Variants in MACROD2 observed in about 807,000 individuals in gnomAD.
MACROD2 encodes the protein ADP-ribose glycohydrolase MACROD2.
In MACROD2, 36 loss-of-function variants were observed where a neutral mutation model predicts 70.4. That is an observed-to-expected ratio of 0.51 (90% CI 0.39 to 0.68). MACROD2 has a LOEUF of 0.68. MACROD2 is among the 30% of genes least tolerant of loss of function. MACROD2 has a pLI of 0.00. For synonymous variants in MACROD2, 172 were observed against 178.8 expected (o/e 0.96, Z 0.30); for missense variants, 496 against 538.4 (o/e 0.92, Z 0.78).
At chr20:14,684,726 C>T in intron 4 of MACROD2, 117 bp from the exon 5 acceptor site, 1 of 704,306 alleles carries the variant, frequency 1.4e-6, no homozygotes, top group Non-Finnish European at 2.3e-6. Context: ...GGTTTTCTTC[C>T]ACGGGCTATG....
At chr20:15,635,593 G>C (rs2049351061) in intron 8 of MACROD2, among the ~76,000 whole-genome samples, 1 of 152,030 alleles carries the variant, frequency 6.6e-6, no homozygotes, top group South Asian at 2.1e-4. Flanking sequence ...TAGAGGGTGG[G>C]TGGAGGGAGG....
At chr20:14,646,099 A>T (rs1985378472) in intron 4 of MACROD2, among the ~76,000 whole-genome samples, 1 of 151,556 alleles carries the variant, frequency 6.6e-6, no homozygotes, top group Admixed American at 6.6e-5. Flanking sequence ...ACTTGGAAAA[A>T]TTTATATTTT....
intron 4 of MACROD2, among the ~76,000 whole-genome samples, chr20:14,644,300 G>C (rs1985255960): frequency 6.6e-6 from 1 of 152,132 alleles, no homozygotes; most frequent in South Asian, 2.1e-4. Flanking sequence ...CAGTAAATCT[G>C]TTAGAAAGCT....
chr20:14,501,703 A>G (rs144032768), intron 4 of MACROD2, among the ~76,000 whole-genome samples: 1 of 152,146 alleles, frequency 6.6e-6, no homozygotes, highest in Non-Finnish European at 1.5e-5. Context: ...TTAGCAAATC[A>G]TGCTCAAAGA....
intron 4 of MACROD2, among the ~76,000 whole-genome samples, chr20:14,531,423 A>C (rs890425519): frequency 6.6e-6 from 1 of 152,200 alleles, no homozygotes; most frequent in African/African-American, 2.4e-5. Flanking sequence ...GGTCCCAAGC[A>C]AAGGGATGCC....
chr20:14,875,584 C>A (rs989627428), intron 5 of MACROD2, among the ~76,000 whole-genome samples: 1 of 152,052 alleles, frequency 6.6e-6, no homozygotes, highest in Non-Finnish European at 1.5e-5. Flanking sequence ...TATCCCATCA[C>A]CCAAGTAGTG....
intron 9 of MACROD2, among the ~76,000 whole-genome samples, chr20:15,876,291 T>G (rs1280652900): frequency 6.6e-6 from 1 of 151,762 alleles, no homozygotes; most frequent in East Asian, 1.9e-4. Context: ...CAGGCCCCAG[T>G]GTGTGATGTT....
intron 2 of MACROD2, among the ~76,000 whole-genome samples, chr20:14,050,627 C>G (rs910436664): frequency 1.3e-5 from 2 of 152,180 alleles, no homozygotes; most frequent in Admixed American, 6.5e-5. Flanking sequence ...AAGGAAAAAA[C>G]TGACCCCTGG....
intron 8 of MACROD2, among the ~76,000 whole-genome samples, chr20:15,596,813 C>T (rs935831231): frequency 6.6e-6 from 1 of 152,202 alleles, no homozygotes; most frequent in Non-Finnish European, 1.5e-5. Context: ...TCAGACATTC[C>T]TACACCCCTG....
chr20:14,226,603 C>T (rs1160157429), intron 3 of MACROD2, among the ~76,000 whole-genome samples: 2 of 152,174 alleles, frequency 1.3e-5, no homozygotes, highest in African/African-American at 2.4e-5. Context: ...GCACTCGGAG[C>T]AGCCGGCCGG....
chr20:15,000,341 CGGCCGGGCGCG>C (rs2074983331), intron 5 of MACROD2, among the ~76,000 whole-genome samples: 2 of 150,250 alleles, frequency 1.3e-5, no homozygotes, highest in African/African-American at 2.5e-5. Context: ...GAGGTAGAAA[CGGCCGGGCGCG>C]GTGGCTCACG....
At chr20:15,094,989 A>C (rs1568570255) in intron 5 of MACROD2, among the ~76,000 whole-genome samples, 1 of 149,784 alleles carries the variant, frequency 6.7e-6, no homozygotes, top group Non-Finnish European at 1.5e-5. Flanking sequence ...TCTGGGTCAC[A>C]CTTTCTTCAA....
At chr20:14,236,216 A>G (rs1370372580) in intron 3 of MACROD2, among the ~76,000 whole-genome samples, 1 of 152,236 alleles carries the variant, frequency 6.6e-6, no homozygotes, top group South Asian at 2.1e-4. Flanking sequence ...TCAAGATGCA[A>G]AATTGTACTA....
intron 5 of MACROD2, among the ~76,000 whole-genome samples, chr20:14,774,613 A>C (rs2072211088): frequency 6.6e-6 from 1 of 152,056 alleles, no homozygotes; most frequent in South Asian, 2.1e-4. Context: ...TGTGGTCTTT[A>C]AAGAGAAGGG....
intron 8 of MACROD2, among the ~76,000 whole-genome samples, chr20:15,543,281 T>C (rs1487795347): frequency 6.6e-6 from 1 of 152,180 alleles, no homozygotes; most frequent in Admixed American, 6.5e-5. Flanking sequence ...AGTTTCCTCA[T>C]CTGTTCAAGA....
intron 5 of MACROD2, among the ~76,000 whole-genome samples, chr20:15,009,835 GA>G (rs1305917191): frequency 7.1e-6 from 1 of 140,996 alleles, no homozygotes; most frequent in Non-Finnish European, 1.5e-5. Flanking sequence ...ATTGTTTTCT[GA>G]AAATTTATCT....
At chr20:16,013,932 A>G (rs2066897466) in intron 15 of MACROD2, among the ~76,000 whole-genome samples, 1 of 152,238 alleles carries the variant, frequency 6.6e-6, no homozygotes, top group Non-Finnish European at 1.5e-5. Flanking sequence ...TGTATTGAAT[A>G]GAGGAACTGT....
chr20:14,970,592 T>C (rs1445264851), intron 5 of MACROD2, among the ~76,000 whole-genome samples: 1 of 152,162 alleles, frequency 6.6e-6, no homozygotes, highest in Non-Finnish European at 1.5e-5. Flanking sequence ...CTATGAATAA[T>C]GTCTTTATTT....
chr20:15,477,099 G>GTTTTTT (rs371999407), intron 7 of MACROD2, among the ~76,000 whole-genome samples: 187 of 115,380 alleles, frequency 1.6e-3, no homozygotes, highest in Non-Finnish European at 1.8e-3. Context: ...TCTATTTTTA[G>GTTTTTT]TTTTTTTTTT....
Sources: allele counts gnomAD v4.1 joint callset (sites outside exome capture counted in the v4.1 genomes callset), GRCh38; gene constraint gnomAD v4.1.1; transcripts MANE v1.5; gene names NCBI Gene and HGNC (gene_info 2026-07-23, HGNC 2026-07-21).